Variants in SRRM3 observed in about 807,000 individuals in gnomAD.
SRRM3 encodes the protein serine/arginine repetitive matrix protein 3.
SRRM3 carries 27 observed loss-of-function variants against 66.2 expected under a neutral mutation model. The ratio of observed to expected loss-of-function variants is 0.41; its 90% CI spans 0.30 to 0.56. SRRM3 has a LOEUF of 0.56. Among genes scored for constraint, SRRM3 ranks in the 20% least tolerant of loss-of-function variants. The pLI is 0.32. For synonymous variants in SRRM3, 391 were observed against 414.9 expected (o/e 0.94, Z 0.70); for missense variants, 918 against 991.9 (o/e 0.93, Z 1.00).
chr7:76,241,669 G>C (rs1480125952), intron 2 of SRRM3, among the ~76,000 whole-genome samples: 3 of 151,948 alleles, frequency 2.0e-5, no homozygotes, highest in African/African-American at 7.3e-5. Flanking sequence ...ACGCCCAGCT[G>C]ATTTCTGTAT....
At chr7:76,235,797 G>C (rs1801130788) in intron 2 of SRRM3, among the ~76,000 whole-genome samples, 1 of 151,606 alleles carries the variant, frequency 6.6e-6, no homozygotes, top group East Asian at 2.0e-4. Flanking sequence ...CCTGAGGTCA[G>C]GAGTTTGAGA....
At position 76,232,303 on chromosome 7, in the gene SRRM3, C is replaced by T. The variant is rs531509410; in HGVS notation, c.-39-2725C>T. On this transcript the variant is annotated intron_variant, in intron 1 of 14. Transcript: ENST00000611745. ...ATCCCAGCACTTTGGGAGGGCAGAT[C>T]GCCTGAGGTCAGGAGTTCAAGACCA... 7.2e-5 allele frequency among the ~76,000 whole-genome samples: 11 copies of T among 152,062 alleles called. No homozygotes were observed. In the East Asian group the frequency reaches 1.9e-3, roughly 27 times the overall value.
At chr7:76,214,943 A>G (rs1800522372) in intron 1 of SRRM3, among the ~76,000 whole-genome samples, 1 of 151,906 alleles carries the variant, frequency 6.6e-6, no homozygotes, top group East Asian at 1.9e-4. Flanking sequence ...CAAGGGCTGT[A>G]AAGACCTCAG....
chr7:76,219,324 C>T (rs1800655623), intron 1 of SRRM3, among the ~76,000 whole-genome samples: 1 of 152,240 alleles, frequency 6.6e-6, no homozygotes, highest in African/African-American at 2.4e-5. Flanking sequence ...TCAATCTGCA[C>T]TGATCTCACC....
chr7:76,281,898 C>G, intron 12 of SRRM3, 96 bp downstream of exon 12: 1 of 1,002,454 alleles, frequency 1.0e-6, no homozygotes. Flanking sequence ...CCTCCCCGCG[C>G]TGAGCTACCC....
At chr7:76,234,934 G>A in intron 1 of SRRM3, 94 bp from the exon 2 acceptor site, 1 of 729,046 alleles carries the variant, frequency 1.4e-6, no homozygotes, top group South Asian at 1.9e-5. Flanking sequence ...CCATGAGTGT[G>A]CCCTTAAATC....
intron 1 of SRRM3, among the ~76,000 whole-genome samples, chr7:76,234,262 T>C (rs1801085584): frequency 6.6e-6 from 1 of 151,262 alleles, no homozygotes; most frequent in Non-Finnish European, 1.5e-5. Context: ...GAGTCAGGGA[T>C]TCTTAGCTCC....
chr7:76,270,279 A>G (rs1802177816), intron 11 of SRRM3, among the ~76,000 whole-genome samples: 1 of 152,228 alleles, frequency 6.6e-6, no homozygotes, highest in Non-Finnish European at 1.5e-5. Context: ...GTTCAGGACC[A>G]TCAGTGTCAG....
intron 14 of SRRM3, 30 bp downstream of exon 14, chr7:76,283,131 G>A: frequency 2.2e-6 from 3 of 1,385,444 alleles, no homozygotes; most frequent in Non-Finnish European, 9.3e-7. Flanking sequence ...GGCCGGTGGC[G>A]CAGGGCTGGG....
chr7:76,247,391 G>C (rs1801469149), intron 2 of SRRM3, among the ~76,000 whole-genome samples: 1 of 152,038 alleles, frequency 6.6e-6, no homozygotes, highest in South Asian at 2.1e-4. Context: ...GCAGAAATGG[G>C]GGTGCTTTGA....
At chr7:76,238,066 GGCCCTCCCCCT>G (rs1420010435) in intron 2 of SRRM3, among the ~76,000 whole-genome samples, 1 of 151,392 alleles carries the variant, frequency 6.6e-6, no homozygotes, top group East Asian at 2.0e-4. Context: ...GCTCTTGAAT[GGCCCTCCCCCT>G]GCCCTCCCCA....
In SRRM3 at chr7:76,282,860, A is replaced by C. The variant is rs1448579307; in HGVS notation, c.1583A>C (p.Lys528Thr). The change falls in exon 13 of 15, where the codon AAG (lysine) becomes ACG (threonine). Residue 528 changes from lysine to threonine, a missense_variant. Transcript: ENST00000611745. ...CCCAGCCGCTCGCCGTCGCCCAAGAAGCCCCTCAGCCGGTGAGTGCCCGCC... is the reference window on the plus strand; with the variant it reads ...CCCAGCCGCTCGCCGTCGCCCAAGACGCCCCTCAGCCGGTGAGTGCCCGCC... ...HSPSRSPSPK[K>T]PLSRDKDGEG... 2.1e-6 allele frequency: 3 copies of C among 1,447,378 alleles called. No homozygotes were observed. Among genetic ancestry groups the C allele is most frequent in the Non-Finnish European group, 2.7e-6 (3 of 1,104,462 alleles). The allele number at this position is 1,447,378 out of a possible 1,614,324, so 89.7% of individuals were successfully genotyped here.
At chr7:76,279,485 C>T (rs1329041891) in intron 11 of SRRM3, among the ~76,000 whole-genome samples, 1 of 150,340 alleles carries the variant, frequency 6.7e-6, no homozygotes, top group Non-Finnish European at 1.5e-5. Flanking sequence ...GAGGAACAGA[C>T]CTACAAACAG....
At chr7:76,248,373 G>A (rs1479733628) in intron 3 of SRRM3, 84 bp downstream of exon 3, 9 of 1,023,344 alleles carry the variant, frequency 8.8e-6, no homozygotes, top group African/African-American at 1.6e-5. Context: ...TGTCCAGGTG[G>A]CTTGGTCTGG....
At chr7:76,258,754 A>C (rs1297231155) in intron 3 of SRRM3, among the ~76,000 whole-genome samples, 15 of 142,206 alleles carry the variant, frequency 1.1e-4, no homozygotes, top group Admixed American at 2.9e-4. Flanking sequence ...AAGAAAAAAA[A>C]AAAAGGAAGA....
At chr7:76,234,790 A>G (rs1249370150) in intron 1 of SRRM3, among the ~76,000 whole-genome samples, 8 of 152,256 alleles carry the variant, frequency 5.3e-5, no homozygotes, top group Non-Finnish European at 1.5e-5. Context: ...GAGGCCATCC[A>G]GTCTGGCCTG....
intron 1 of SRRM3, among the ~76,000 whole-genome samples, chr7:76,202,509 G>A (rs1306953773): frequency 6.6e-6 from 1 of 152,152 alleles, no homozygotes; most frequent in Non-Finnish European, 1.5e-5. Flanking sequence ...GCCGGCCCAG[G>A]GGACAGCCTG....
At chr7:76,215,394 GTTTTTTTTTTT>G (rs1170079332) in intron 1 of SRRM3, among the ~76,000 whole-genome samples, 2 of 95,128 alleles carry the variant, frequency 2.1e-5, no homozygotes, top group South Asian at 3.8e-4. Context: ...GGAGCCCGCA[GTTTTTTTTTTT>G]TTTTTTTTTT....
chr7:76,282,709 G>A lies in SRRM3; in HGVS notation c.1432G>A (p.Gly478Ser), dbSNP rs782412561. Residue 478 changes from glycine to serine, a missense_variant, in exon 13 of 15, where the codon GGC becomes AGC. Gly to Ser is a moderately conservative substitution (Grantham distance 56). Transcript: ENST00000611745. ...ASTSPSPGAHGRRGGPEGKSS... is the reference protein window; with the variant it reads ...ASTSPSPGAHSRRGGPEGKSS... ...CACCTCTCCGTCCCCGGGCGCGCACGGCCGGCGCGGCGGCCCAGAAGGGAA... is the reference window on the plus strand; with the variant it reads ...CACCTCTCCGTCCCCGGGCGCGCACAGCCGGCGCGGCGGCCCAGAAGGGAA... 2.2e-4 allele frequency: 317 copies of A among 1,422,934 alleles called. No homozygotes were observed. Among genetic ancestry groups the A allele is most frequent in the Non-Finnish European group, 2.5e-4 (271 of 1,095,066 alleles). 88.1% of individuals were successfully genotyped at this position (1,422,934 alleles called of 1,614,324 possible).
Sources: gnomAD v4.1 joint callset for allele counts (sites outside exome capture counted in the v4.1 genomes callset) on GRCh38, gnomAD v4.1.1 for gene constraint, MANE v1.5 for transcripts, NCBI Gene and HGNC (gene_info 2026-07-23, HGNC 2026-07-21) for gene names.